The following SLITRK2 variants were observed in gnomAD, a reference collection of about 807,000 sequenced individuals.
SLITRK2 encodes the protein SLIT and NTRK like family member 2, also known as SLIT and NTRK-like protein 2.
SLITRK2 carries 13 observed loss-of-function variants against 35.4 expected under a neutral mutation model. The ratio of observed to expected loss-of-function variants is 0.37; its 90% CI spans 0.24 to 0.58. SLITRK2 has a LOEUF of 0.58. SLITRK2 is among the 20% of genes least tolerant of loss of function. The pLI, the probability that SLITRK2 is intolerant of heterozygous loss-of-function variation, is 0.75. For missense variants in SLITRK2, 471 were observed against 634.3 expected (o/e 0.74, Z 2.76); for synonymous variants, 294 against 264.7 (o/e 1.11, Z -1.07).
chrX:145,823,406 C>T lies in SLITRK2; in HGVS notation c.981C>T (p.Ile327=), dbSNP rs1556944329. ...VSKDRQSFGP[I]MVYQTKSPVP... The stretch of plus-strand genomic sequence containing the variant: ...AGGACAGGCAAAGTTTTGGACCCAT[C>T]ATGGTGTACCAGACCAAGTCTCCTG... Residue 327 remains isoleucine (I), a synonymous_variant, in exon 5 of 5, where the codon ATC becomes ATT. Transcript: ENST00000335565. 8.3e-7 allele frequency: 1 copy of T among 1,209,841 alleles called. No homozygotes were observed. The highest frequency in any genetic ancestry group is 1.1e-6 in the Non-Finnish European group (1 of 895,004).
In SLITRK2 at chrX:145,825,003, G is replaced by A. The variant is rs782787119; in HGVS notation, c.*40G>A. 1.7e-6 allele frequency: 2 copies of A among 1,158,234 alleles called. No homozygotes were observed. Among genetic ancestry groups the A allele is most frequent in the East Asian group, 3.0e-5 (1 of 33,348 alleles). ...CAACCCTAAGGCATCAGAGGATGCT[G>A]CTCCGAACTGTTGGAAACAAGGACA... On this transcript the variant is annotated 3_prime_UTR_variant, in exon 5 of 5. Transcript: ENST00000335565.
At position 145,823,353 on chromosome X, in the gene SLITRK2, C is replaced by T. The variant is rs2124172229; in HGVS notation, c.928C>T (p.Arg310Cys). 2 of 1,211,146 alleles carry T rather than the reference C, an allele frequency of 1.7e-6. No homozygotes were observed. The highest frequency in any genetic ancestry group is 2.2e-6 in the Non-Finnish European group (2 of 895,165). ...KASRPPKMRN[R>C]PTPRVTVSKD... ...CAGCCGGCCGCCCAAAATGAGAAAT[C>T]GTCCAACTCCTCGAGTGACTGTGTC... Residue 310 changes from arginine (R) to cysteine (C), a missense_variant, in exon 5 of 5, where the codon CGT becomes TGT. By Grantham distance (180) the Arg-to-Cys change is radical. Transcript: ENST00000335565.
rs1391824324 is a variant in SLITRK2 at position 145,828,416 on chromosome X, G to C, written c.*3453G>C. On this transcript the variant is annotated 3_prime_UTR_variant, in exon 5 of 5. Transcript: ENST00000335565. ...CAGAAATATACTGGGTTGGATGCTA[G>C]AGTGAAGAAAGCCGTCCAGACAATT... 7.5e-6 allele frequency: 1 copy of C among 133,703 alleles called. No individual in the cohort carries two copies. 11.0% of individuals were successfully genotyped at this position (133,703 alleles called of 1,213,427 possible).
rs1569507636 is a variant in SLITRK2, at chrX:145,827,795, A to G, written c.*2832A>G. 1.7e-6 allele frequency: 2 copies of G among 1,211,863 alleles called. No homozygotes were observed. Among genetic ancestry groups the G allele is most frequent in the South Asian group, 3.5e-5 (2 of 56,991 alleles). On this transcript the variant is annotated 3_prime_UTR_variant, in exon 5 of 5. Coordinates refer to ENST00000335565, the MANE Select transcript of SLITRK2 (RefSeq NM_032539.5). ...TAACTCACTAGCATCCCCACTGACT[A>G]TATTCTGTTTTGCTTTATCTGCTCA... is the stretch of plus-strand genomic sequence containing the variant.
chrX:145,821,101 A>ACACACACT (rs1265948530), intron 2 of SLITRK2: 1 of 70,005 alleles, frequency 1.4e-5, no homozygotes, highest in African/African-American at 5.8e-5. Context: ...ACACACACAC[A>ACACACACT]CTCTCTCTCT....
In SLITRK2 at chrX:145,821,374, A is replaced by G. The variant is rs1556943191; in HGVS notation, c.-703A>G. The G allele has an allele frequency of 9.1e-6, 1 of 109,497 alleles. No homozygotes were observed. The highest frequency in any genetic ancestry group is 1.9e-5 in the Non-Finnish European group (1 of 52,409). The allele number at this position is 109,497 out of a possible 1,213,427, so 9.0% of individuals were successfully genotyped here. ...TTGGAGGTGGAGTAGTTCAGAATCAACTGACGCAGCCGGGAATTGAGCTTT... is the reference window on the plus strand; with the variant it reads ...TTGGAGGTGGAGTAGTTCAGAATCAGCTGACGCAGCCGGGAATTGAGCTTT... On this transcript the variant is annotated 5_prime_UTR_variant, in exon 3 of 5. Coordinates refer to ENST00000335565, the MANE Select transcript of SLITRK2 (RefSeq NM_032539.5).
At chrX:145,820,442 G>T (rs1246488228) in intron 1 of SLITRK2, 32 bp from the exon 2 acceptor site, 4 of 112,532 alleles carry the variant, frequency 3.6e-5, no homozygotes, top group Non-Finnish European at 5.6e-5. Flanking sequence ...AGCTGGGAGG[G>T]CCCATACAGT....
chrX:145,823,217 C>T lies in SLITRK2; in HGVS notation c.792C>T (p.Pro264=), dbSNP rs2073056124. The change falls in exon 5 of 5, where the codon CCC becomes CCT. Residue 264 remains proline (P), a synonymous_variant. Coordinates refer to ENST00000335565, the MANE Select transcript of SLITRK2 (RefSeq NM_032539.5). ...VTQLTRQDLC[P]RKSASDSSQR... Reference sequence around the variant, plus strand: ...AGCTGACCAGGCAAGACCTCTGTCCCAGAAAAAGTGCCAGTGATTCCAGTC... The same window carrying T: ...AGCTGACCAGGCAAGACCTCTGTCCTAGAAAAAGTGCCAGTGATTCCAGTC... The T allele has an allele frequency of 8.3e-7, 1 of 1,209,687 alleles. No homozygotes were observed. The highest frequency in any genetic ancestry group is 1.8e-5 in the African/African-American group (1 of 57,044).
At position 145,823,804 on chromosome X, in the gene SLITRK2, A is replaced by T; in HGVS notation, c.1379A>T (p.Lys460Met). ...CTCTATTTAGAGTATAATGTCATTAAGGAAATTAAGCCTCTGACCTTTGAT... is the reference window on the plus strand; with the variant it reads ...CTCTATTTAGAGTATAATGTCATTATGGAAATTAAGCCTCTGACCTTTGAT... ...QYLYLEYNVI[K>M]EIKPLTFDAL... The change falls in exon 5 of 5, where the codon AAG becomes ATG. Residue 460 changes from lysine to methionine, a missense_variant. Lys to Met is a moderately conservative substitution (Grantham distance 95, BLOSUM62 -1). Transcript: ENST00000335565. 3 of 1,209,780 alleles carry T rather than the reference A, an allele frequency of 2.5e-6. No homozygotes were observed. The highest frequency in any genetic ancestry group is 3.4e-6 in the Non-Finnish European group (3 of 894,367).
chrX:145,824,099 C>T lies in SLITRK2; in HGVS notation c.1674C>T (p.Cys558=), dbSNP rs141386478. 83 of 1,208,932 alleles carry T rather than the reference C, an allele frequency of 6.9e-5. No homozygotes were observed. In the African/African-American group the frequency reaches 1.0e-3, roughly 15 times the overall value. ...NSPVIINEVT[C]ESPAKHAGEI... ...CTGTCATCATTAATGAGGTGACTTGCGAATCTCCTGCTAAGCATGCAGGGG... is the reference window on the plus strand; with the variant it reads ...CTGTCATCATTAATGAGGTGACTTGTGAATCTCCTGCTAAGCATGCAGGGG... The change falls in exon 5 of 5, where the codon TGC becomes TGT. Residue 558 remains cysteine (C), a synonymous_variant. Transcript: ENST00000335565.
In SLITRK2 at chrX:145,821,337, C is replaced by T. The variant is rs1556943177; in HGVS notation, c.-729-11C>T. 1 of 109,891 alleles carries T rather than the reference C, an allele frequency of 9.1e-6. No individual in the cohort carries two copies. Among genetic ancestry groups the T allele is most frequent in the Non-Finnish European group, 1.9e-5 (1 of 52,614 alleles). The allele number at this position is 109,891 out of a possible 1,213,427, so 9.1% of individuals were successfully genotyped here. The stretch of plus-strand genomic sequence containing the variant: ...AACCCCTCTGCAGGAGCTTCTCCTG[C>T]CGCCAGCCAGGTTGGAGGTGGAGTA... On this transcript the variant is annotated splice_polypyrimidine_tract_variant and intron_variant, in intron 2 of 4. Transcript: ENST00000335565.
chrX:145,823,816 C>G lies in SLITRK2; in HGVS notation c.1391C>G (p.Pro464Arg), dbSNP rs1440690650. The change falls in exon 5 of 5, where the codon CCT (proline) becomes CGT (arginine). Residue 464 changes from proline (P) to arginine (R), a missense_variant. By Grantham distance (103) the Pro-to-Arg change is moderately radical. Around this residue, in one of 7 missense-constraint regions of SLITRK2, gnomAD observed 92 missense variants for 184.2 expected, o/e 0.50. Transcript: ENST00000335565. ...LEYNVIKEIK[P>R]LTFDALINLQ... ...TATAATGTCATTAAGGAAATTAAGC[C>G]TCTGACCTTTGATGCTTTGATTAAC... 8.3e-7 allele frequency: 1 copy of G among 1,207,888 alleles called. No homozygotes were observed. The highest frequency in any genetic ancestry group is 1.8e-5 in the African/African-American group (1 of 57,087).
chrX:145,821,984 C>CTTT, intron 3 of SLITRK2, 21 bp from the exon 4 acceptor site: 1 of 106,506 alleles, frequency 9.4e-6, no homozygotes, highest in Non-Finnish European at 1.9e-5. Context: ...CCTTTTTGCG[C>CTTT]TTTTTTTTTT....
chrX:145,822,446 C>A lies in SLITRK2; in HGVS notation c.21C>A (p.Phe7Leu), dbSNP rs548544253. 3 of 1,205,995 alleles carry A rather than the reference C, an allele frequency of 2.5e-6. No individual in the cohort carries two copies. The Middle Eastern group carries it at 7.0e-4, about 281-fold the overall frequency. ...TAAAGATGCTGAGCGGCGTTTGGTT[C>A]CTCAGTGTGTTAACCGTGGCCGGGA... Reference protein sequence around the residue: MLSGVWFLSVLTVAGIL... With the variant: MLSGVWLLSVLTVAGIL... The change falls in exon 5 of 5, where the codon TTC (phenylalanine) becomes TTA (leucine). Residue 7 changes from phenylalanine to leucine, a missense_variant. By Grantham distance (22) the Phe-to-Leu change is conservative. Transcript: ENST00000335565.
rs979034885 is a variant in SLITRK2 at position 145,822,419 on chromosome X, C to A, written c.-7C>A. 1 of 1,198,692 alleles carries A rather than the reference C, an allele frequency of 8.3e-7. No homozygotes were observed. On this transcript the variant is annotated 5_prime_UTR_variant, in exon 5 of 5. Coordinates refer to ENST00000335565, the MANE Select transcript of SLITRK2 (RefSeq NM_032539.5). ...GGTACCTGAGTTGACACCGAAGGTGCCTAAAGATGCTGAGCGGCGTTTGGT... is the reference window on the plus strand; with the variant it reads ...GGTACCTGAGTTGACACCGAAGGTGACTAAAGATGCTGAGCGGCGTTTGGT...
intron 2 of SLITRK2, chrX:145,820,763 C>T: frequency 9.0e-6 from 1 of 111,417 alleles, no homozygotes; most frequent in Non-Finnish European, 1.9e-5. Context: ...CACGTTTAAA[C>T]CTCATTATCT....
Position 145,824,416 on chromosome X carries a change from C to A in SLITRK2, c.1991C>A (p.Ser664Tyr), listed in dbSNP as rs1556944880. 1 of 1,211,038 alleles carries A rather than the reference C, an allele frequency of 8.3e-7. No individual in the cohort carries two copies. Among genetic ancestry groups the A allele is most frequent in the Non-Finnish European group, 1.1e-6 (1 of 895,119 alleles). ...PRNTNNLDVS[S>Y]FQLQYGSYNT... ...AATACCAACAACTTAGACGTAAGCT[C>A]CTTTCAATTACAGTATGGGTCTTAC... Residue 664 changes from serine (S) to tyrosine (Y), a missense_variant, in exon 5 of 5, where the codon TCC becomes TAC. By Grantham distance (144) the Ser-to-Tyr change is moderately radical. This residue lies in a region of SLITRK2 where 190 missense variants were observed against 199.3 expected (regional missense o/e 0.95). Coordinates refer to ENST00000335565, the MANE Select transcript of SLITRK2 (RefSeq NM_032539.5).
Position 145,829,372 on chromosome X carries a change from T to G in SLITRK2, c.*4409T>G, listed in dbSNP as rs782426456. 2.4e-5 allele frequency: 3 copies of G among 123,711 alleles called. No individual in the cohort carries two copies. The highest frequency in any genetic ancestry group is 3.7e-4 in the South Asian group (1 of 2,723). The allele number at this position is 123,711 out of a possible 1,213,427, so 10.2% of individuals were successfully genotyped here. ...GACTTTGCTTAAAACAGAGCCCACC[T>G]GCATAGTAACTGTGTTTTGCCAAGG... On this transcript the variant is annotated 3_prime_UTR_variant, in exon 5 of 5. Transcript: ENST00000335565.
In SLITRK2 at chrX:145,824,544, G is replaced by A. The variant is rs373969433; in HGVS notation, c.2119G>A (p.Asp707Asn). ...QNPIYMQKEG[D>N]PVAYYRNLQE... ...CCCCATCTACATGCAGAAGGAAGGA[G>A]ACCCAGTAGCCTATTACCGAAACCT... The change falls in exon 5 of 5, where the codon GAC becomes AAC. Residue 707 changes from aspartate to asparagine, a missense_variant. Asp to Asn is a conservative substitution (Grantham distance 23). This residue lies in a region of SLITRK2 where 190 missense variants were observed against 199.3 expected (regional missense o/e 0.95). Coordinates refer to ENST00000335565, the MANE Select transcript of SLITRK2 (RefSeq NM_032539.5). The A allele has an allele frequency of 1.2e-5, 15 of 1,208,386 alleles. No individual in the cohort carries two copies. The highest frequency in any genetic ancestry group is 1.7e-5 in the Non-Finnish European group (15 of 894,941).
Sources: allele counts gnomAD v4.1 joint callset, GRCh38; gene constraint gnomAD v4.1.1; regional missense constraint gnomAD v4.1.1; transcripts MANE v1.5; gene names NCBI Gene and HGNC (gene_info 2026-07-23, HGNC 2026-07-21).